The following APLF variants were observed in gnomAD, a reference collection of about 807,000 sequenced individuals.
APLF encodes aprataxin and PNKP like factor, also known as aprataxin and PNK-like factor.
A neutral mutation model predicts 55.6 loss-of-function variants in APLF; 61 were observed. The observed-to-expected ratio is 1.10, with a 90% confidence interval of 0.89 to 1.36. The LOEUF is 1.36. Among genes scored for constraint, APLF ranks in the 40% most tolerant of loss-of-function variants. APLF has a pLI of 0.00. For synonymous variants in APLF, 207 were observed against 214.8 expected, an observed-to-expected ratio of 0.96 and a Z score of 0.32; for missense variants, 611 against 602.5, an observed-to-expected ratio of 1.01 and a Z score of -0.15.
At chr2:68,570,346 G>A (rs1436431442) in intron 9 of APLF, among the ~76,000 whole-genome samples, 1 of 151,488 alleles carries the variant, frequency 6.6e-6, no homozygotes, top group South Asian at 2.1e-4. Context: ...ACAGTGTGCA[G>A]GTTTGTTACA....
At chr2:68,517,915 T>A (rs1041229300) in intron 5 of APLF, among the ~76,000 whole-genome samples, 1 of 144,194 alleles carries the variant, frequency 6.9e-6, no homozygotes, top group Non-Finnish European at 1.5e-5. Flanking sequence ...CAGTATTATA[T>A]CACTAATATG....
At chr2:68,544,814 G>A (rs1670654284) in intron 7 of APLF, among the ~76,000 whole-genome samples, 1 of 151,786 alleles carries the variant, frequency 6.6e-6, no homozygotes, top group South Asian at 2.1e-4. Context: ...CTTAGCAGAG[G>A]GTACAATATA....
chr2:68,485,871 G>A (rs529966610), intron 1 of APLF, among the ~76,000 whole-genome samples: 8 of 148,190 alleles, frequency 5.4e-5, no homozygotes, highest in South Asian at 2.1e-4. Flanking sequence ...GTGCAGTGGC[G>A]CGATCATGGC....
intron 1 of APLF, among the ~76,000 whole-genome samples, chr2:68,482,264 A>T (rs1232686359): frequency 6.6e-6 from 1 of 151,866 alleles, no homozygotes; most frequent in Non-Finnish European, 1.5e-5. Context: ...ATTCCTTTAG[A>T]TGGGTCTTAT....
At chr2:68,475,881 T>A (rs1050226327) in intron 1 of APLF, among the ~76,000 whole-genome samples, 3 of 148,614 alleles carry the variant, frequency 2.0e-5, no homozygotes, top group South Asian at 2.1e-4. Context: ...TTTAAGTCTT[T>A]TATATATATA....
chr2:68,522,067 T>G (rs1473927373), intron 5 of APLF, among the ~76,000 whole-genome samples: 1 of 151,874 alleles, frequency 6.6e-6, no homozygotes, highest in Admixed American at 6.6e-5. Context: ...ACCTATCTAC[T>G]GCTTTCTTTT....
chr2:68,518,883 T>G (rs1326014301), intron 5 of APLF, among the ~76,000 whole-genome samples: 3 of 124,858 alleles, frequency 2.4e-5, no homozygotes, highest in African/African-American at 6.3e-5. Flanking sequence ...TAATAAAATA[T>G]TAATATTATA....
chr2:68,519,059 T>C (rs565457428), intron 5 of APLF, among the ~76,000 whole-genome samples: 3 of 126,856 alleles, frequency 2.4e-5, no homozygotes, highest in African/African-American at 8.9e-5. Context: ...TAATATATAA[T>C]TAATATATAA....
At chr2:68,538,258 C>T in intron 7 of APLF, 31 bp downstream of exon 7, 1 of 1,538,612 alleles carries the variant, frequency 6.5e-7, no homozygotes, top group South Asian at 1.2e-5. Context: ...CATTTAATTC[C>T]ATTATTTTGA....
chr2:68,498,287 T>TA (rs1279918991), intron 2 of APLF, among the ~76,000 whole-genome samples: 1 of 152,220 alleles, frequency 6.6e-6, no homozygotes, highest in Non-Finnish European at 1.5e-5. Flanking sequence ...AAAATCTTTG[T>TA]AAAATTACAT....
chr2:68,533,020 G>GT (rs1289046967), intron 6 of APLF, among the ~76,000 whole-genome samples: 4 of 152,264 alleles, frequency 2.6e-5, no homozygotes, highest in Non-Finnish European at 5.9e-5. Flanking sequence ...AAGCCCAGGA[G>GT]TTTAAGGCCA....
intron 5 of APLF, among the ~76,000 whole-genome samples, chr2:68,517,799 A>G (rs1669670969): frequency 6.9e-6 from 1 of 145,258 alleles, no homozygotes; most frequent in African/African-American, 2.5e-5. Flanking sequence ...ATGTTAATAT[A>G]TAACAGTAAT....
intron 8 of APLF, among the ~76,000 whole-genome samples, chr2:68,557,930 A>G (rs1383915703): frequency 6.6e-6 from 1 of 152,042 alleles, no homozygotes; most frequent in African/African-American, 2.4e-5. Context: ...AAAAATAGTC[A>G]AAGTTGATAG....
intron 8 of APLF, among the ~76,000 whole-genome samples, chr2:68,557,076 C>T (rs1462921859): frequency 1.3e-5 from 2 of 152,090 alleles, no homozygotes; most frequent in African/African-American, 2.4e-5. Context: ...ACAGAAAGTA[C>T]AATCTGTCCC....
chr2:68,565,283 C>A (rs1354294992), intron 8 of APLF, among the ~76,000 whole-genome samples: 1 of 151,960 alleles, frequency 6.6e-6, no homozygotes, highest in Admixed American at 6.6e-5. Context: ...TATTGCCCAA[C>A]AAATTATGAT....
In APLF at chr2:68,529,379, T is replaced by G. The variant is rs1235526342; in HGVS notation, c.804+3137T>G. ...GTGAGCCCGGCCAGCTGGGAAGGCC[T>G]CACGGACAAGACGAGCAGGTTGCCG... On this transcript the variant is annotated intron_variant, in intron 6 of 9. Coordinates refer to ENST00000303795, the MANE Select transcript of APLF (RefSeq NM_173545.3). The surrounding 1 kb of genome is among the most constrained non-coding windows in gnomAD (Gnocchi z 4.4). 4 of 1,291,170 alleles carry G rather than the reference T, an allele frequency of 3.1e-6. No homozygotes were observed. The highest frequency in any genetic ancestry group is 2.9e-6 in the Non-Finnish European group (3 of 1,019,454). The allele number at this position is 1,291,170 out of a possible 1,614,324, so 80.0% of individuals were successfully genotyped here. A position where few individuals can be genotyped will look rare whatever the true frequency, so the allele number is the denominator to read the frequency against.
intron 2 of APLF, among the ~76,000 whole-genome samples, chr2:68,500,496 C>T (rs1676686052): frequency 6.6e-6 from 1 of 152,086 alleles, no homozygotes; most frequent in Non-Finnish European, 1.5e-5. Flanking sequence ...AGTATGTTAC[C>T]TTTTCCAGTC....
At chr2:68,480,912 T>G (rs1161642721) in intron 1 of APLF, among the ~76,000 whole-genome samples, 1 of 152,224 alleles carries the variant, frequency 6.6e-6, no homozygotes, top group Non-Finnish European at 1.5e-5. Context: ...TATATCACAT[T>G]TATTGATTTG....
intron 4 of APLF, 127 bp downstream of exon 4, chr2:68,513,354 A>G (rs904650438): frequency 1.5e-5 from 19 of 1,295,916 alleles, no homozygotes; most frequent in Non-Finnish European, 1.9e-5. Flanking sequence ...GCTGATTTTA[A>G]GTTAAGCTCT....
Sources: allele counts gnomAD v4.1 joint callset (sites outside exome capture counted in the v4.1 genomes callset), GRCh38; gene constraint gnomAD v4.1.1; non-coding constraint Gnocchi (gnomAD v3.1); transcripts MANE v1.5; gene names NCBI Gene and HGNC (gene_info 2026-07-23, HGNC 2026-07-21).